Variants in FGF7 observed in about 807,000 individuals in gnomAD.
The protein encoded by FGF7 is fibroblast growth factor 7.
A neutral mutation model predicts 20.5 loss-of-function variants in FGF7; 6 were observed. That is an observed-to-expected ratio of 0.29 (90% CI 0.16 to 0.58). FGF7 has a LOEUF of 0.58. FGF7 is among the 20% of genes least tolerant of loss of function. FGF7 has a pLI of 0.90. For missense variants in FGF7, 144 were observed against 228.8 expected (o/e 0.63, Z 2.39); for synonymous variants, 64 against 74.7 (o/e 0.86, Z 0.74).
intron 2 of FGF7, among the ~76,000 whole-genome samples, chr15:49,447,385 C>T (rs1165603625): frequency 6.6e-6 from 1 of 151,576 alleles, no homozygotes; most frequent in Non-Finnish European, 1.5e-5. Context: ...GCAAAGATCA[C>T]AGAGCTAGTT....
At chr15:49,438,841 G>GAGAC (rs2051345872) in intron 2 of FGF7, among the ~76,000 whole-genome samples, 2 of 151,188 alleles carry the variant, frequency 1.3e-5, no homozygotes, top group Admixed American at 1.3e-4. Flanking sequence ...AACTGAGAGA[G>GAGAC]AGAGTGGGTG....
chr15:49,435,143 AAATG>A (rs936351198), intron 2 of FGF7, among the ~76,000 whole-genome samples: 11 of 151,628 alleles, frequency 7.3e-5, no homozygotes, highest in African/African-American at 2.7e-4. Flanking sequence ...AGTGTGAAAA[AAATG>A]AATGAAATAT....
At chr15:49,442,584 C>T (rs1186085899) in intron 2 of FGF7, among the ~76,000 whole-genome samples, 1 of 151,694 alleles carries the variant, frequency 6.6e-6, no homozygotes, top group Non-Finnish European at 1.5e-5. Flanking sequence ...TTCCTTATCC[C>T]TCACTCCCAT....
intron 2 of FGF7, among the ~76,000 whole-genome samples, chr15:49,455,515 A>G (rs2053201333): frequency 6.6e-6 from 1 of 152,144 alleles, no homozygotes; most frequent in South Asian, 2.1e-4. Context: ...CAATTGCACT[A>G]CTCTGAAAAA....
At chr15:49,484,242 C>T in intron 3 of FGF7, 68 bp from the exon 4 acceptor site, 2 of 1,149,646 alleles carry the variant, frequency 1.7e-6, no homozygotes, top group Non-Finnish European at 2.5e-6. Context: ...TACCTGCTTA[C>T]TCTTCGTTTA....
chr15:49,464,432 G>A (rs1027126151), intron 2 of FGF7, among the ~76,000 whole-genome samples: 7 of 152,262 alleles, frequency 4.6e-5, no homozygotes, highest in African/African-American at 1.4e-4. Context: ...CTAAAAGTAT[G>A]TACGTGTAGT....
chr15:49,426,186 C>G (rs1027770800), intron 2 of FGF7, among the ~76,000 whole-genome samples: 1 of 151,776 alleles, frequency 6.6e-6, no homozygotes, highest in Non-Finnish European at 1.5e-5. Context: ...AATTTTTCAT[C>G]TATAAAATGT....
In FGF7 at chr15:49,479,609, T is replaced by G. The variant is rs901054823; in HGVS notation, c.287-3542T>G. Among the ~76,000 whole-genome samples the G allele has an allele frequency of 3.2e-4, 42 of 133,322 alleles. 1 individual carries two copies. Among genetic ancestry groups the G allele is most frequent in the African/African-American group, 1.2e-3 (42 of 35,310 alleles). 87.5% of individuals were successfully genotyped at this position (133,322 alleles called of 152,430 possible). The stretch of plus-strand genomic sequence containing the variant: ...ATAGTTAATACCTCTGTTTTTTTTT[T>G]TTTTTTTTTTTTTTTTTTTGTGAAA... On this transcript the variant is annotated intron_variant, in intron 2 of 3. Transcript: ENST00000267843.
At chr15:49,472,860 C>A (rs796480739) in intron 2 of FGF7, among the ~76,000 whole-genome samples, 8 of 152,276 alleles carry the variant, frequency 5.3e-5, no homozygotes, top group African/African-American at 1.9e-4. Context: ...GAAGACATTT[C>A]CCAAATTTGC....
At chr15:49,433,452 A>G (rs894659878) in intron 2 of FGF7, among the ~76,000 whole-genome samples, 22 of 151,892 alleles carry the variant, frequency 1.4e-4, no homozygotes, top group Middle Eastern at 3.4e-3. Context: ...CCTTTAATTT[A>G]TTACACATTT....
intron 2 of FGF7, among the ~76,000 whole-genome samples, chr15:49,454,270 G>C (rs1041083892): frequency 1.3e-5 from 2 of 152,168 alleles, no homozygotes; most frequent in African/African-American, 2.4e-5. Flanking sequence ...AGTTTCATAG[G>C]GGGCAGGGCA....
chr15:49,475,926 C>A (rs1248303340), intron 2 of FGF7, among the ~76,000 whole-genome samples: 1 of 152,102 alleles, frequency 6.6e-6, no homozygotes, highest in Non-Finnish European at 1.5e-5. Context: ...AGGTTCAAGA[C>A]CCTTGACAAT....
At chr15:49,482,731 T>C (rs1264431652) in intron 2 of FGF7, among the ~76,000 whole-genome samples, 11 of 152,116 alleles carry the variant, frequency 7.2e-5, no homozygotes, top group Non-Finnish European at 1.6e-4. Context: ...TCTGTAAAAC[T>C]GGGATAACAA....
chr15:49,469,690 GA>G (rs1182267210), intron 2 of FGF7, among the ~76,000 whole-genome samples: 1 of 152,080 alleles, frequency 6.6e-6, no homozygotes. Context: ...TCATTTGCAA[GA>G]ACTAATTAGC....
At position 49,483,144 on chromosome 15, in the gene FGF7, CT is replaced by C. The variant is rs756655317; in HGVS notation, c.287-5del. ...TATTTGACATGTCTTTCTGTGATTC[CT>C]TGCAGATATCATGGAAATCAGGACA... On this transcript the variant is annotated splice_polypyrimidine_tract_variant and splice_region_variant and intron_variant, in intron 2 of 3. Coordinates refer to ENST00000267843, the MANE Select transcript of FGF7 (RefSeq NM_002009.4). 81 of 1,482,288 alleles carry C rather than the reference CT, an allele frequency of 5.5e-5. No individual in the cohort carries two copies. Among genetic ancestry groups the C allele is most frequent in the Non-Finnish European group, 7.2e-5 (78 of 1,075,992 alleles). The allele number at this position is 1,482,288 out of a possible 1,614,324, so 91.8% of individuals were successfully genotyped here. A position where few individuals can be genotyped will look rare whatever the true frequency, so the allele number is the denominator to read the frequency against.
chr15:49,430,113 A>C (rs892656724), intron 2 of FGF7, among the ~76,000 whole-genome samples: 1 of 151,872 alleles, frequency 6.6e-6, no homozygotes, highest in South Asian at 2.1e-4. Context: ...CCTCTCTGAC[A>C]AATCTTAGTG....
chr15:49,485,691 T>TA lies in FGF7; in HGVS notation c.*1193dup, dbSNP rs1480240911. 3 of 152,448 alleles carry TA rather than the reference T, an allele frequency of 2.0e-5. No individual in the cohort carries two copies. The highest frequency in any genetic ancestry group is 4.8e-5 in the African/African-American group (2 of 41,414). 9.4% of individuals were successfully genotyped at this position (152,448 alleles called of 1,614,324 possible). A position where few individuals can be genotyped will look rare whatever the true frequency, so the allele number is the denominator to read the frequency against. On this transcript the variant is annotated 3_prime_UTR_variant, in exon 4 of 4. Transcript: ENST00000267843. ...TCTCACACAGAACAATACAAATATG[T>TA]AAAAAATCTTTCACCACATATTCTT...
At chr15:49,431,436 A>T (rs1366097895) in intron 2 of FGF7, among the ~76,000 whole-genome samples, 1 of 151,822 alleles carries the variant, frequency 6.6e-6, no homozygotes, top group Non-Finnish European at 1.5e-5. Flanking sequence ...TAATATGTAA[A>T]GACAAAGTGA....
At chr15:49,477,143 C>A (rs2055415053) in intron 2 of FGF7, among the ~76,000 whole-genome samples, 1 of 151,782 alleles carries the variant, frequency 6.6e-6, no homozygotes, top group Admixed American at 6.6e-5. Flanking sequence ...TTATAAATAT[C>A]TTGCACTAAT....
Sources: allele counts gnomAD v4.1 joint callset (sites outside exome capture counted in the v4.1 genomes callset), GRCh38; gene constraint gnomAD v4.1.1; transcripts MANE v1.5; gene names NCBI Gene and HGNC (gene_info 2026-07-23, HGNC 2026-07-21).